TTN: variants seen among roughly 807,000 people sequenced by gnomAD.
TTN encodes the protein connectin.
Under a neutral mutation model 3,223.0 loss-of-function variants are expected in TTN, and 1,525 were observed. The observed-to-expected ratio is 0.47, with a 90% CI of 0.45 to 0.49. TTN has a LOEUF of 0.49. TTN is among the 20% of genes least tolerant of loss of function. TTN has a pLI of 0.00. For synonymous variants in TTN, 14,094 were observed against 15,161.0 expected (o/e 0.93, Z 5.17); for missense variants, 40,786 against 43,424.0 (o/e 0.94, Z 5.40).
intron 238 of TTN, 129 bp downstream of exon 238, chr2:178,630,675 T>C: frequency 7.3e-7 from 1 of 1,368,760 alleles, no homozygotes; most frequent in Non-Finnish European, 1.0e-6. Context: ...GACATCTCTC[T>C]TTGGCTTAGG....
Position 178,617,905 on chromosome 2 carries a change from G to A in TTN, c.47446C>T (p.Leu15816=), listed in dbSNP as rs1388266493. 1 of 1,612,546 alleles carries A rather than the reference G, an allele frequency of 6.2e-7. No homozygotes were observed. ...DTAMTVRAED[L]SATVTDVVEG... ...ACCACATCAGTAACAGTTGCAGACA[G>A]GTCTTCAGCTCTCACAGTCATGGCA... The change falls in exon 253 of 363, where the codon CTG becomes TTG. Residue 15816 remains leucine (L), a synonymous_variant. Coordinates refer to ENST00000589042, the MANE Select transcript of TTN (RefSeq NM_001267550.2).
At position 178,570,288 on chromosome 2, in the gene TTN, C is replaced by G. The variant is rs751776506; in HGVS notation, c.75844G>C (p.Val25282Leu). 6.2e-7 allele frequency: 1 copy of G among 1,613,378 alleles called. No homozygotes were observed. The highest frequency in any genetic ancestry group is 1.1e-5 in the South Asian group (1 of 91,078). ...GNEYTFRIMA[V>L]NKYGVGEPLE... ...GGTTCACCAACACCATATTTGTTTA[C>G]TGCCATTATACGGAAAGTATATTCA... Residue 25282 changes from valine (V) to leucine (L), a missense_variant, in exon 326 of 363, where the codon GTA becomes CTA. Val to Leu is a conservative substitution (Grantham distance 32, BLOSUM62 1). Coordinates refer to ENST00000589042, the MANE Select transcript of TTN (RefSeq NM_001267550.2).
rs1441990001 is a variant in TTN, at chr2:178,564,831, C to T, written c.81301G>A (p.Gly27101Ser). 3.1e-6 allele frequency: 5 copies of T among 1,612,972 alleles called. No individual in the cohort carries two copies. In the African/African-American group the frequency reaches 4.0e-5, roughly 13 times the overall value. The change falls in exon 326 of 363, where the codon GGC becomes AGC. Residue 27101 changes from glycine to serine, a missense_variant. Physicochemically the swap from Gly to Ser is moderately conservative, Grantham distance 56 (BLOSUM62 0). Transcript: ENST00000589042. ...VQWHEPVNDGGTKIIGYHLEQ... is the reference protein window; with the variant it reads ...VQWHEPVNDGSTKIIGYHLEQ... ...AGATGGTAGCCAATAATTTTGGTGCCTCCATCATTCACTGGCTCATGCCAT... is the reference window on the plus strand; with the variant it reads ...AGATGGTAGCCAATAATTTTGGTGCTTCCATCATTCACTGGCTCATGCCAT...
chr2:178,591,729 C>T lies in TTN; in HGVS notation c.60090G>A (p.Val20030=). 1 of 1,613,358 alleles carries T rather than the reference C, an allele frequency of 6.2e-7. No homozygotes were observed. Among genetic ancestry groups the T allele is most frequent in the Non-Finnish European group, 8.5e-7 (1 of 1,179,566 alleles). Residue 20030 remains valine (V), a synonymous_variant, in exon 303 of 363, where the codon GTG becomes GTA. Coordinates refer to ENST00000589042, the MANE Select transcript of TTN (RefSeq NM_001267550.2). ...GTQDWIKFKT[V]TNLECVVTGL... is the part of the protein sequence containing the mutation. ...CAGTAACCACACACTCTAAGTTTGTCACAGTCTTAAATTTAATCCAGTCCT... is the reference window on the plus strand; with the variant it reads ...CAGTAACCACACACTCTAAGTTTGTTACAGTCTTAAATTTAATCCAGTCCT...
chr2:178,620,876 T>G lies in TTN; in HGVS notation c.45734A>C (p.Glu15245Ala), dbSNP rs1310228213. The G allele has an allele frequency of 1.9e-6, 3 of 1,612,496 alleles. No individual in the cohort carries two copies. Among genetic ancestry groups the G allele is most frequent in the African/African-American group, 2.7e-5 (2 of 74,808 alleles). The part of the protein sequence containing the change: ...GAKAKWFRNE[E>A]AIFDSSKYII... ...GTATTTTGAACTATCAAATATAGCT[T>G]CTTCATTTCTGAACCATTTGGCTTT... Residue 15245 changes from glutamate (E) to alanine (A), a missense_variant, in exon 247 of 363, where the codon GAA becomes GCA. Transcript: ENST00000589042.
intron 265 of TTN, 72 bp downstream of exon 265, chr2:178,612,701 A>G (rs1330092887): frequency 6.5e-7 from 1 of 1,538,490 alleles, no homozygotes; most frequent in Non-Finnish European, 8.7e-7. Context: ...AATTTTTCAT[A>G]TTTTCTCATA....
rs2076722601 is a variant in TTN, at chr2:178,711,952, G to T, written c.27878C>A (p.Thr9293Asn). The change falls in exon 96 of 363, where the codon ACC (threonine) becomes AAC (asparagine). Residue 9293 changes from threonine to asparagine, a missense_variant. Coordinates refer to ENST00000589042, the MANE Select transcript of TTN (RefSeq NM_001267550.2). ...AAAAATATTGCAATCACCTTGAACGGTAAGGAAAGTTGATGCAGAAACTTC... is the reference window on the plus strand; with the variant it reads ...AAAAATATTGCAATCACCTTGAACGTTAAGGAAAGTTGATGCAGAAACTTC... ...VGEVSASTFLTVQEQKLPPSF... is the reference protein window; with the variant it reads ...VGEVSASTFLNVQEQKLPPSF... 6.3e-7 allele frequency: 1 copy of T among 1,596,060 alleles called. No homozygotes were observed. Among genetic ancestry groups the T allele is most frequent in the Non-Finnish European group, 8.5e-7 (1 of 1,170,300 alleles).
At chr2:178,760,981 T>G (rs962002821) in intron 43 of TTN, 3 of 152,016 alleles carry the variant, frequency 2.0e-5, no homozygotes, top group African/African-American at 2.4e-5. Flanking sequence ...AGGATACACA[T>G]GAACTGCCAC....
rs1419646565 is a variant in TTN at position 178,612,331 on chromosome 2, C to T, written c.50194G>A (p.Gly16732Arg). 1 of 1,612,528 alleles carries T rather than the reference C, an allele frequency of 6.2e-7. No homozygotes were observed. The highest frequency in any genetic ancestry group is 8.5e-7 in the Non-Finnish European group (1 of 1,179,176). The change falls in exon 266 of 363, where the codon GGA (glycine) becomes AGA (arginine). Residue 16732 changes from glycine (G) to arginine (R), a missense_variant. Gly to Arg is a moderately radical substitution (Grantham distance 125). Transcript: ENST00000589042. ...TCAATTTCGGTGTAGTCGCTTTGTC[C>T]TATAGCATTTTCTGCAGCAACTCGG... ...VFRVAAENAI[G>R]QSDYTEIEDS...
intron 46 of TTN, among the ~76,000 whole-genome samples, chr2:178,755,969 G>A (rs1164897849): frequency 1.3e-5 from 2 of 152,130 alleles, no homozygotes; most frequent in Admixed American, 6.5e-5. Context: ...AGAAAATGCA[G>A]CACATAGGAA....
rs372392034 is a variant in TTN at position 178,682,116 on chromosome 2, T to C, written c.33095-378A>G. ...AGATTGATTCATTTCAAAATTTCAA[T>C]AGAGATTTATTCTTTGAGTAAAATA... On this transcript the variant is annotated intron_variant, in intron 135 of 362. Coordinates refer to ENST00000589042, the MANE Select transcript of TTN (RefSeq NM_001267550.2). Among the ~76,000 whole-genome samples the C allele has an allele frequency of 2.6e-4, 39 of 152,124 alleles. 1 individual carries two copies. In the South Asian group the frequency reaches 7.5e-3, roughly 29 times the overall value.
chr2:178,746,308 T>TC, intron 47 of TTN: 1 of 1,612,600 alleles, frequency 6.2e-7, no homozygotes, highest in Non-Finnish European at 8.5e-7. Flanking sequence ...CTTTGTCTTC[T>TC]CCCTCCCTTG....
At chr2:178,761,092 T>C (rs1016558365) in intron 43 of TTN, 1 of 152,234 alleles carries the variant, frequency 6.6e-6, no homozygotes, top group African/African-American at 2.4e-5. Context: ...CGTTACTCAT[T>C]AGCCTCTCGT....
Position 178,564,447 on chromosome 2 carries a change from C to T in TTN, c.81685G>A (p.Glu27229Lys). The T allele has an allele frequency of 6.2e-7, 1 of 1,612,542 alleles. No homozygotes were observed. Among genetic ancestry groups the T allele is most frequent in the South Asian group, 1.1e-5 (1 of 91,016 alleles). The change falls in exon 326 of 363, where the codon GAA becomes AAA. Residue 27229 changes from glutamate to lysine, a missense_variant. By Grantham distance (56) the Glu-to-Lys change is moderately conservative (BLOSUM62 1). Transcript: ENST00000589042. ...KASFTNVLET[E>K]FTVSGLVEDQ... is the part of the protein sequence containing the mutation. The stretch of plus-strand genomic sequence containing the variant: ...TCTACAAGTCCACTCACTGTAAATT[C>T]AGTTTCTAATACGTTGGTAAAGCTG...
Position 178,608,239 on chromosome 2 carries a change from A to G in TTN, c.52644T>C (p.Asn17548=). ...LTYVFRVCAE[N]AAGPGKFSPP... Reference sequence around the variant, plus strand: ...GACTGAACTTTCCAGGTCCAGCTGCATTTTCAGCACATACTCTGAAGACAT... The same window carrying G: ...GACTGAACTTTCCAGGTCCAGCTGCGTTTTCAGCACATACTCTGAAGACAT... The change falls in exon 275 of 363, where the codon AAT becomes AAC. Residue 17548 remains asparagine (N), a synonymous_variant. Coordinates refer to ENST00000589042, the MANE Select transcript of TTN (RefSeq NM_001267550.2). 6.2e-7 allele frequency: 1 copy of G among 1,607,418 alleles called. No homozygotes were observed. Among genetic ancestry groups the G allele is most frequent in the Non-Finnish European group, 8.5e-7 (1 of 1,176,176 alleles).
At chr2:178,689,486 G>A (rs745564652) in intron 123 of TTN, 29 bp downstream of exon 123, 4 of 1,603,484 alleles carry the variant, frequency 2.5e-6, no homozygotes, top group Non-Finnish European at 3.4e-6. Flanking sequence ...GGAAAGACAA[G>A]GTTATTTCAT....
chr2:178,610,532 A>G, intron 270 of TTN, 143 bp from the exon 271 acceptor site: 1 of 911,434 alleles, frequency 1.1e-6, no homozygotes, highest in Non-Finnish European at 1.6e-6. Flanking sequence ...CAGAGCATTT[A>G]GCATCCTTGG....
intron 218 of TTN, among the ~76,000 whole-genome samples, chr2:178,643,272 G>GT (rs1424080774): frequency 2.0e-5 from 3 of 151,854 alleles, no homozygotes; most frequent in African/African-American, 4.8e-5. Context: ...TCATTAAATG[G>GT]TTTTTTATGT....
chr2:178,589,637 A>G lies in TTN; in HGVS notation c.62088T>C (p.Gly20696=). The G allele has an allele frequency of 6.2e-7, 1 of 1,613,434 alleles. No homozygotes were observed. The highest frequency in any genetic ancestry group is 8.5e-7 in the Non-Finnish European group (1 of 1,179,566). The change falls in exon 304 of 363, where the codon GGT becomes GGC. Residue 20696 remains glycine, a synonymous_variant. Coordinates refer to ENST00000589042, the MANE Select transcript of TTN (RefSeq NM_001267550.2). ...CATGATATGACAGATTTGGACTGCC[A>G]CCATCATAGTCAGGCCTCCGCCACT... The part of the protein sequence containing the change: ...YLKWRRPDYD[G]GSPNLSYHVE...
Sources: gnomAD v4.1 joint callset for allele counts (sites outside exome capture counted in the v4.1 genomes callset) on GRCh38, gnomAD v4.1.1 for gene constraint, MANE v1.5 for transcripts, NCBI Gene and HGNC (gene_info 2026-07-23, HGNC 2026-07-21) for gene names.